Variants in TRHR observed in about 807,000 individuals in gnomAD.
TRHR encodes thyrotropin-releasing hormone receptor.
TRHR carries 14 observed loss-of-function variants against 28.0 expected under a neutral mutation model. The observed-to-expected ratio is 0.50, with a 90% CI of 0.33 to 0.78. TRHR has a LOEUF of 0.78. TRHR is among the 30% of genes least tolerant of loss of function. The pLI is 0.02. For synonymous variants in TRHR, 176 were observed against 171.9 expected, an observed-to-expected ratio of 1.02 and a Z score of -0.18; for missense variants, 438 against 469.5, an observed-to-expected ratio of 0.93 and a Z score of 0.62.
At chr8:109,116,035 C>G (rs1811916382) in intron 2 of TRHR, among the ~76,000 whole-genome samples, 1 of 152,046 alleles carries the variant, frequency 6.6e-6, no homozygotes, top group South Asian at 2.1e-4. Flanking sequence ...TTGTCAAAGG[C>G]CTTTTCTGCA....
intron 2 of TRHR, among the ~76,000 whole-genome samples, chr8:109,094,819 C>A (rs758150256): frequency 6.6e-6 from 1 of 151,726 alleles, no homozygotes; most frequent in Admixed American, 6.6e-5. Flanking sequence ...AAAGAAAGAC[C>A]TATGCTCCTA....
intron 2 of TRHR, among the ~76,000 whole-genome samples, chr8:109,091,825 T>G (rs1811520913): frequency 6.6e-6 from 1 of 152,194 alleles, no homozygotes; most frequent in Non-Finnish European, 1.5e-5. Context: ...ACTAAACGGA[T>G]TATCTGACTA....
chr8:109,112,043 A>G (rs1200897604), intron 2 of TRHR, among the ~76,000 whole-genome samples: 1 of 152,176 alleles, frequency 6.6e-6, no homozygotes, highest in African/African-American at 2.4e-5. Context: ...TAAGATTCAG[A>G]CAAAAGTCAT....
At chr8:109,091,707 C>A (rs539326286) in intron 2 of TRHR, among the ~76,000 whole-genome samples, 1 of 152,268 alleles carries the variant, frequency 6.6e-6, no homozygotes, top group African/African-American at 2.4e-5. Flanking sequence ...AGGCCAAAAT[C>A]TTTGTTTTCT....
intron 2 of TRHR, among the ~76,000 whole-genome samples, chr8:109,108,328 G>C (rs544984296): frequency 1.3e-5 from 2 of 152,150 alleles, no homozygotes; most frequent in Non-Finnish European, 2.9e-5. Flanking sequence ...GCCCCTACTG[G>C]GTAAGCAGCT....
chr8:109,089,225 T>A (rs190137910), intron 2 of TRHR, among the ~76,000 whole-genome samples: 1 of 152,000 alleles, frequency 6.6e-6, no homozygotes, highest in African/African-American at 2.4e-5. Context: ...TTAAACATAA[T>A]GAACAGATGA....
At chr8:109,119,005 T>C in intron 2 of TRHR, 43 bp from the exon 3 acceptor site, 1 of 1,611,456 alleles carries the variant, frequency 6.2e-7, no homozygotes, top group Non-Finnish European at 8.5e-7. Flanking sequence ...TTTGTTTTGT[T>C]TTCATTTGTG....
At chr8:109,114,446 T>G (rs1586195513) in intron 2 of TRHR, among the ~76,000 whole-genome samples, 2 of 152,174 alleles carry the variant, frequency 1.3e-5, no homozygotes, top group East Asian at 3.9e-4. Context: ...TTTTTGCAGC[T>G]GTATCTCTCT....
At chr8:109,113,855 A>C (rs1811875709) in intron 2 of TRHR, among the ~76,000 whole-genome samples, 1 of 152,142 alleles carries the variant, frequency 6.6e-6, no homozygotes, top group Admixed American at 6.6e-5. Flanking sequence ...TAGAAGATTC[A>C]AAAGCATGCT....
At chr8:109,111,634 G>A (rs766005978) in intron 2 of TRHR, among the ~76,000 whole-genome samples, 2 of 152,112 alleles carry the variant, frequency 1.3e-5, no homozygotes, top group Non-Finnish European at 2.9e-5. Context: ...CTAAATCGAT[G>A]CATAACTCCA....
In TRHR at chr8:109,088,646, A is replaced by G. The variant is rs974081827; in HGVS notation, c.789+345A>G. 2.0e-5 allele frequency among the ~76,000 whole-genome samples: 3 copies of G among 152,244 alleles called. No homozygotes were observed. In the South Asian group the frequency reaches 6.2e-4, roughly 31 times the overall value. On this transcript the variant is annotated intron_variant, in intron 2 of 2. Transcript: ENST00000518632. ...GGAGAATTTCTGGCTTCTGTAGGAA[A>G]TAATTCTATTGCATGATAAAGAATT...
chr8:109,086,802 C>G lies in TRHR; in HGVS notation c.-170C>G, dbSNP rs1477181163. The G allele has an allele frequency of 6.6e-6, 1 of 152,510 alleles. No individual in the cohort carries two copies. Among genetic ancestry groups the G allele is most frequent in the Admixed American group, 6.5e-5 (1 of 15,284 alleles). 9.4% of individuals were successfully genotyped at this position (152,510 alleles called of 1,614,324 possible). The stretch of plus-strand genomic sequence containing the variant: ...TGGTCTCCCTCTCAAATAGAGTAGA[C>G]AAGATTTTCTGCAAGATTAGAAACT... On this transcript the variant is annotated 5_prime_UTR_variant, in exon 1 of 3. Transcript: ENST00000518632.
In TRHR at chr8:109,090,374, T is replaced by C. The variant is rs904633140; in HGVS notation, c.789+2073T>C. Among the ~76,000 whole-genome samples, 9 of 152,240 alleles carry C rather than the reference T, an allele frequency of 5.9e-5. No homozygotes were observed. In the East Asian group the frequency reaches 1.7e-3, roughly 29 times the overall value. ...TAACAAAGATTACTTGTTGAACAAA[T>C]GTGTATATGACGTGGTAACTTCTTT... is the stretch of plus-strand genomic sequence containing the variant. On this transcript the variant is annotated intron_variant, in intron 2 of 2. Coordinates refer to ENST00000518632, the MANE Select transcript of TRHR (RefSeq NM_003301.7).
intron 2 of TRHR, among the ~76,000 whole-genome samples, chr8:109,102,271 C>A (rs1181169986): frequency 3.3e-5 from 5 of 151,950 alleles, no homozygotes; most frequent in Admixed American, 3.3e-4. Context: ...AAATCTATGT[C>A]TGTTTAAATT....
chr8:109,112,944 C>A (rs548022010), intron 2 of TRHR, among the ~76,000 whole-genome samples: 23 of 152,154 alleles, frequency 1.5e-4, no homozygotes, highest in African/African-American at 5.5e-4. Context: ...GGTTCAATTA[C>A]AATAAAAGAA....
rs1811983443 is a variant in TRHR, at chr8:109,120,025, T to C, written c.*570T>C. ...CTGTATTTTAAAAGTTGCCATAATGTTTATAAAATTCTGAGATGATTTTTA... is the reference window on the plus strand; with the variant it reads ...CTGTATTTTAAAAGTTGCCATAATGCTTATAAAATTCTGAGATGATTTTTA... On this transcript the variant is annotated 3_prime_UTR_variant, in exon 3 of 3. Coordinates refer to ENST00000518632, the MANE Select transcript of TRHR (RefSeq NM_003301.7). Among the ~76,000 whole-genome samples, 1 of 151,896 alleles carries C rather than the reference T, an allele frequency of 6.6e-6. No homozygotes were observed. The highest frequency in any genetic ancestry group is 6.6e-5 in the Admixed American group (1 of 15,206).
Position 109,119,114 on chromosome 8 carries a change from G to A in TRHR, c.856G>A (p.Val286Met), listed in dbSNP as rs1268692700. Reference sequence around the variant, plus strand: ...TTTATGGATGCCCTACAGGACTCTAGTGGTTGTCAACTCATTTCTCTCCAG... The same window carrying A: ...TTTATGGATGCCCTACAGGACTCTAATGGTTGTCAACTCATTTCTCTCCAG... ...ALLWMPYRTL[V>M]VVNSFLSSPF... The change falls in exon 3 of 3, where the codon GTG becomes ATG. Residue 286 changes from valine (V) to methionine (M), a missense_variant. Physicochemically the swap from Val to Met is conservative, Grantham distance 21 (BLOSUM62 1). Transcript: ENST00000518632. 6.2e-7 allele frequency: 1 copy of A among 1,612,888 alleles called. No individual in the cohort carries two copies. The highest frequency in any genetic ancestry group is 1.1e-5 in the South Asian group (1 of 91,054).
In TRHR at chr8:109,121,080, C is replaced by A. The variant is rs535224146; in HGVS notation, c.*1625C>A. ...CTATCCAGAACCTCATTCTAGAGTG[C>A]GCTTTTTTTTTTTTGAAAATTGGCC... On this transcript the variant is annotated 3_prime_UTR_variant, in exon 3 of 3. Coordinates refer to ENST00000518632, the MANE Select transcript of TRHR (RefSeq NM_003301.7). Among the ~76,000 whole-genome samples, 7 of 98,948 alleles carry A rather than the reference C, an allele frequency of 7.1e-5. No individual in the cohort carries two copies. The South Asian group carries it at 2.1e-3, about 29-fold the overall frequency. 64.9% of individuals were successfully genotyped at this position (98,948 alleles called of 152,430 possible). A position where few individuals can be genotyped will look rare whatever the true frequency, so the allele number is the denominator to read the frequency against.
chr8:109,108,839 C>T (rs1481397913), intron 2 of TRHR, among the ~76,000 whole-genome samples: 1 of 152,124 alleles, frequency 6.6e-6, no homozygotes, highest in Non-Finnish European at 1.5e-5. Flanking sequence ...CAAATATTCA[C>T]CTCCTGTGAA....
Sources: gnomAD v4.1 joint callset for allele counts (sites outside exome capture counted in the v4.1 genomes callset) on GRCh38, gnomAD v4.1.1 for gene constraint, MANE v1.5 for transcripts, NCBI Gene and HGNC (gene_info 2026-07-23, HGNC 2026-07-21) for gene names.